CDC37L1: variants seen among roughly 807,000 people sequenced by gnomAD.
The protein encoded by CDC37L1 is hsp90 co-chaperone Cdc37-like 1.
A neutral mutation model predicts 45.9 loss-of-function variants in CDC37L1; 32 were observed. The ratio of observed to expected loss-of-function variants is 0.70; its 90% CI spans 0.53 to 0.94. CDC37L1 has a LOEUF of 0.94. Among genes scored for constraint, CDC37L1 ranks in the 40% least tolerant of loss-of-function variants. The pLI, the probability that CDC37L1 is intolerant of heterozygous loss-of-function variation, is 0.00. For missense variants in CDC37L1, 434 were observed against 405.7 expected (o/e 1.07, Z -0.60); for synonymous variants, 150 against 133.0 (o/e 1.13, Z -0.88).
chr9:4,697,635 G>A (rs1009704814), intron 4 of CDC37L1, 122 bp from the exon 5 acceptor site: 8 of 579,226 alleles, frequency 1.4e-5, no homozygotes, highest in African/African-American at 1.9e-5. Context: ...TGTTTGTAAA[G>A]TATTTGACTT....
chr9:4,693,611 A>G (rs988094260), intron 3 of CDC37L1, among the ~76,000 whole-genome samples: 1 of 152,160 alleles, frequency 6.6e-6, no homozygotes, highest in African/African-American at 2.4e-5. Context: ...TCACTAGGGA[A>G]ATATATAGGT....
At chr9:4,692,680 A>T (rs1455848013) in intron 3 of CDC37L1, among the ~76,000 whole-genome samples, 2 of 152,230 alleles carry the variant, frequency 1.3e-5, no homozygotes, top group Admixed American at 6.5e-5. Context: ...TATTTTCCGG[A>T]TTTTAAAAAT....
Position 4,701,945 on chromosome 9 carries a change from CAA to C in CDC37L1, c.831_832del (p.Ser278PhefsTer48). On this transcript the variant is annotated frameshift_variant, in exon 6 of 7. Transcript: ENST00000381854. LOFTEE classifies it high-confidence loss of function. Reference protein sequence around the residue: ...KSRVRLYSQSQSFQPMTVQNH... With the variant: ...KSRVRLYSQSXSFQPMTVQNH... ...AAGAGTAAGACTTTATTCTCAATCA[CAA>C]AGTTTTCAACCTATGACAGTTCAGA... The C allele has an allele frequency of 2.5e-6, 4 of 1,591,236 alleles. No individual in the cohort carries two copies. Among genetic ancestry groups the C allele is most frequent in the Non-Finnish European group, 3.4e-6 (4 of 1,169,046 alleles).
Position 4,706,264 on chromosome 9 carries a change from T to A in CDC37L1, c.*152T>A. On this transcript the variant is annotated 3_prime_UTR_variant, in exon 7 of 7. Coordinates refer to ENST00000381854, the MANE Select transcript of CDC37L1 (RefSeq NM_017913.4). Reference sequence around the variant, plus strand: ...ACTGAAATGTTTTGTAAATTTTTTTTAATGTGCTGCTAGGTTTTTTGTTTT... The same window carrying A: ...ACTGAAATGTTTTGTAAATTTTTTTAAATGTGCTGCTAGGTTTTTTGTTTT... The A allele has an allele frequency of 2.2e-6, 1 of 462,200 alleles. No individual in the cohort carries two copies. The allele number at this position is 462,200 out of a possible 1,614,324, so 28.6% of individuals were successfully genotyped here.
At chr9:4,699,272 T>C (rs1563772116) in intron 5 of CDC37L1, among the ~76,000 whole-genome samples, 1 of 152,198 alleles carries the variant, frequency 6.6e-6, no homozygotes, top group Non-Finnish European at 1.5e-5. Context: ...AATCCAAAAC[T>C]GTTTGAGCAT....
Position 4,698,185 on chromosome 9 carries a change from G to A in CDC37L1, c.747+306G>A, listed in dbSNP as rs986732585. On this transcript the variant is annotated intron_variant, in intron 5 of 6. Coordinates refer to ENST00000381854, the MANE Select transcript of CDC37L1 (RefSeq NM_017913.4). ...TACTGAGTGCCTAATGCAAAGCACA[G>A]CTGTTTCAGATGCTCAGGATGCATT... is the stretch of plus-strand genomic sequence containing the variant. Among the ~76,000 whole-genome samples the A allele has an allele frequency of 2.6e-5, 4 of 152,134 alleles. 1 individual carries two copies. The highest frequency in any genetic ancestry group is 4.1e-4 in the South Asian group (2 of 4,826).
At chr9:4,689,730 C>T (rs1218195890) in intron 3 of CDC37L1, among the ~76,000 whole-genome samples, 1 of 152,124 alleles carries the variant, frequency 6.6e-6, no homozygotes, top group Non-Finnish European at 1.5e-5. Flanking sequence ...TGAGCAGAGC[C>T]TTGAGTCATA....
At position 4,706,432 on chromosome 9, in the gene CDC37L1, G is replaced by A. The variant is rs1475232335; in HGVS notation, c.*320G>A. 1.1e-5 allele frequency: 2 copies of A among 185,842 alleles called. No homozygotes were observed. Among genetic ancestry groups the A allele is most frequent in the Non-Finnish European group, 2.3e-5 (2 of 87,956 alleles). 11.5% of individuals were successfully genotyped at this position (185,842 alleles called of 1,614,324 possible). A position where few individuals can be genotyped will look rare whatever the true frequency, so the allele number is the denominator to read the frequency against. Reference sequence around the variant, plus strand: ...ATCTGCACAAATGCAATGTTTACAAGAACTGGTTGATTCTGGGAGGCATCT... The same window carrying A: ...ATCTGCACAAATGCAATGTTTACAAAAACTGGTTGATTCTGGGAGGCATCT... On this transcript the variant is annotated 3_prime_UTR_variant, in exon 7 of 7. Coordinates refer to ENST00000381854, the MANE Select transcript of CDC37L1 (RefSeq NM_017913.4).
chr9:4,690,506 A>G (rs1235591048), intron 3 of CDC37L1, among the ~76,000 whole-genome samples: 2 of 152,240 alleles, frequency 1.3e-5, no homozygotes, highest in African/African-American at 4.8e-5. Context: ...GAGAGTCTAC[A>G]CTGTCGAATC....
chr9:4,681,380 G>T (rs1587613823), intron 1 of CDC37L1, among the ~76,000 whole-genome samples: 4 of 152,284 alleles, frequency 2.6e-5, no homozygotes, highest in African/African-American at 9.6e-5. Flanking sequence ...GTTAAAACTA[G>T]AACCCACTTA....
intron 3 of CDC37L1, among the ~76,000 whole-genome samples, chr9:4,692,130 G>C (rs533416363): frequency 2.6e-5 from 4 of 152,096 alleles, no homozygotes; most frequent in Non-Finnish European, 5.9e-5. Context: ...CGTTTGTTCT[G>C]ACTATGAATA....
chr9:4,683,113 T>C (rs1359907698), intron 1 of CDC37L1, among the ~76,000 whole-genome samples: 2 of 144,056 alleles, frequency 1.4e-5, no homozygotes, highest in African/African-American at 5.1e-5. Context: ...ATATATAAAA[T>C]ATATTTTATA....
rs372504673 is a variant in CDC37L1 at position 4,703,779 on chromosome 9, A to C, written c.912+1751A>C. Among the ~76,000 whole-genome samples the C allele has an allele frequency of 1.2e-4, 19 of 152,328 alleles. 1 individual carries two copies. The East Asian group carries it at 3.5e-3, about 28-fold the overall frequency. On this transcript the variant is annotated intron_variant, in intron 6 of 6. Coordinates refer to ENST00000381854, the MANE Select transcript of CDC37L1 (RefSeq NM_017913.4). ...TCCTTGTTGTTATTAGATAGCAACT[A>C]TATATTAGATAGCAACTGATATCAG...
At chr9:4,690,835 C>G (rs989381970) in intron 3 of CDC37L1, among the ~76,000 whole-genome samples, 5 of 152,194 alleles carry the variant, frequency 3.3e-5, no homozygotes, top group Non-Finnish European at 7.3e-5. Context: ...AGGAATGTTA[C>G]AAAGGTAGTA....
chr9:4,702,346 A>G (rs760252536), intron 6 of CDC37L1, among the ~76,000 whole-genome samples: 10 of 152,220 alleles, frequency 6.6e-5, no homozygotes, highest in Admixed American at 1.3e-4. Flanking sequence ...CTTCCTTAAA[A>G]CATCTCATCC....
intron 4 of CDC37L1, among the ~76,000 whole-genome samples, 193 bp downstream of exon 4, chr9:4,697,404 G>A (rs1841357908): frequency 6.6e-6 from 1 of 152,008 alleles, no homozygotes; most frequent in South Asian, 2.1e-4. Flanking sequence ...TGTTGTTTCA[G>A]TTAGCATACA....
At position 4,707,925 on chromosome 9, in the gene CDC37L1, G is replaced by C. The variant is rs1397110579; in HGVS notation, c.*1813G>C. 2 of 152,218 alleles carry C rather than the reference G, an allele frequency of 1.3e-5. No homozygotes were observed. Among genetic ancestry groups the C allele is most frequent in the East Asian group, 3.8e-4 (2 of 5,198 alleles). The allele number at this position is 152,218 out of a possible 1,614,324, so 9.4% of individuals were successfully genotyped here. ...TCATTTTGCCTTCTCTAAGTTAGAG[G>C]TATTTAATGACTGAAGACTGGCAGG... On this transcript the variant is annotated 3_prime_UTR_variant, in exon 7 of 7. Coordinates refer to ENST00000381854, the MANE Select transcript of CDC37L1 (RefSeq NM_017913.4).
In CDC37L1 at chr9:4,697,734, TATATC is replaced by T; in HGVS notation, c.625-20_625-16del. On this transcript the variant is annotated intron_variant, in intron 4 of 6. Transcript: ENST00000381854. The stretch of plus-strand genomic sequence containing the variant: ...TAAATATATTTATATATTTGTTTCT[TATATC>T]ATTTAAATCTTTTTCAGAAAGGGGC... 8.4e-7 allele frequency: 1 copy of T among 1,183,584 alleles called. No individual in the cohort carries two copies. Among genetic ancestry groups the T allele is most frequent in the Admixed American group, 2.1e-5 (1 of 47,120 alleles). 73.3% of individuals were successfully genotyped at this position (1,183,584 alleles called of 1,614,324 possible). A position where few individuals can be genotyped will look rare whatever the true frequency, so the allele number is the denominator to read the frequency against.
In CDC37L1 at chr9:4,706,492, C is replaced by A; in HGVS notation, c.*380C>A. On this transcript the variant is annotated 3_prime_UTR_variant, in exon 7 of 7. Transcript: ENST00000381854. The stretch of plus-strand genomic sequence containing the variant: ...TCTTTTTATATGGATATGTACATGT[C>A]CTATTCTACAAAAATGATTAAAGAT... 6.5e-6 allele frequency: 1 copy of A among 154,790 alleles called. No individual in the cohort carries two copies. The highest frequency in any genetic ancestry group is 1.9e-4 in the East Asian group (1 of 5,312). 9.6% of individuals were successfully genotyped at this position (154,790 alleles called of 1,614,324 possible).
Sources: gnomAD v4.1 joint callset for allele counts (sites outside exome capture counted in the v4.1 genomes callset) on GRCh38, gnomAD v4.1.1 for gene constraint, MANE v1.5 for transcripts, NCBI Gene and HGNC (gene_info 2026-07-23, HGNC 2026-07-21) for gene names.